SLC22A23: variants seen among roughly 807,000 people sequenced by gnomAD.
SLC22A23 encodes the protein solute carrier family 22 member 23.
A neutral mutation model predicts 61.0 loss-of-function variants in SLC22A23; 26 were observed. That is an observed-to-expected ratio of 0.43 (90% CI 0.31 to 0.59). The LOEUF is 0.59. Ranked by LOEUF, SLC22A23 falls within the 20% of genes least tolerant of loss-of-function variation. SLC22A23 has a pLI of 0.11. For missense variants in SLC22A23, 796 were observed against 934.7 expected (o/e 0.85, Z 1.94); for synonymous variants, 430 against 413.9 (o/e 1.04, Z -0.47).
chr6:3,291,091 T>A (rs962322108), intron 5 of SLC22A23: 3 of 152,154 alleles, frequency 2.0e-5, no homozygotes, highest in African/African-American at 7.2e-5. Flanking sequence ...CCAATGTCAC[T>A]CTTTTAGTTT....
At chr6:3,363,877 A>G (rs1765637438) in intron 3 of SLC22A23, among the ~76,000 whole-genome samples, 1 of 152,228 alleles carries the variant, frequency 6.6e-6, no homozygotes, top group Non-Finnish European at 1.5e-5. Context: ...AGGAGACAGG[A>G]CATGGGGCAG....
chr6:3,354,623 C>T (rs76931947), intron 3 of SLC22A23, among the ~76,000 whole-genome samples: 1 of 152,162 alleles, frequency 6.6e-6, no homozygotes, highest in Non-Finnish European at 1.5e-5. Context: ...AATGGATGAA[C>T]TGAAACACAG....
At chr6:3,277,326 G>A (rs1759001619) in intron 9 of SLC22A23, among the ~76,000 whole-genome samples, 1 of 151,820 alleles carries the variant, frequency 6.6e-6, no homozygotes, top group Non-Finnish European at 1.5e-5. Flanking sequence ...ACCAAGCTCT[G>A]CAAACACTGC....
Position 3,308,536 on chromosome 6 carries a change from G to C in SLC22A23, c.1083-10318C>G, listed in dbSNP as rs896948895. Among the ~76,000 whole-genome samples the C allele has an allele frequency of 6.6e-6, 1 of 152,202 alleles. No homozygotes were observed. The highest frequency in any genetic ancestry group is 2.4e-5 in the African/African-American group (1 of 41,448). The stretch of plus-strand genomic sequence containing the variant: ...TCTTCTCCTGAGGTCTTGAATAAAA[G>C]CACATTAATTCCTACTTGTGAGGGG... On this transcript the variant is annotated intron_variant, in intron 4 of 9. Coordinates refer to ENST00000406686, the MANE Select transcript of SLC22A23 (RefSeq NM_015482.2). The surrounding 1 kb of genome is among the most constrained non-coding windows in gnomAD (Gnocchi z 5.1).
At chr6:3,357,775 G>A (rs1369156856) in intron 3 of SLC22A23, among the ~76,000 whole-genome samples, 3 of 152,150 alleles carry the variant, frequency 2.0e-5, no homozygotes, top group Non-Finnish European at 2.9e-5. Flanking sequence ...GGGAGATGCC[G>A]AGATGAAGCC....
chr6:3,443,275 G>A (rs532813500), intron 1 of SLC22A23, among the ~76,000 whole-genome samples: 1 of 152,264 alleles, frequency 6.6e-6, no homozygotes, highest in South Asian at 2.1e-4. Flanking sequence ...GGGGACCTGC[G>A]AATTATGTAG....
chr6:3,348,527 T>C (rs143138815), intron 3 of SLC22A23, among the ~76,000 whole-genome samples: 12 of 152,312 alleles, frequency 7.9e-5, no homozygotes, highest in African/African-American at 2.6e-4. Context: ...GAGTGCACAC[T>C]ATAGAATCCG....
intron 5 of SLC22A23, among the ~76,000 whole-genome samples, chr6:3,295,565 C>T (rs1761013963): frequency 6.6e-6 from 1 of 152,184 alleles, no homozygotes; most frequent in South Asian, 2.1e-4. Flanking sequence ...GGAGCCCAGC[C>T]AGCCGGCCAG....
intron 3 of SLC22A23, among the ~76,000 whole-genome samples, chr6:3,339,548 A>C (rs1652496002): frequency 6.6e-6 from 1 of 152,200 alleles, no homozygotes; most frequent in Admixed American, 6.5e-5. Flanking sequence ...ATGAGACAGG[A>C]GGTCGGCACA....
intron 3 of SLC22A23, among the ~76,000 whole-genome samples, chr6:3,332,593 T>C (rs1763640089): frequency 6.6e-6 from 1 of 152,220 alleles, no homozygotes; most frequent in Non-Finnish European, 1.5e-5. Context: ...TTTCCCTCTC[T>C]TCTCTGTAAT....
At chr6:3,290,058 T>C in intron 5 of SLC22A23, 192 bp from the exon 6 acceptor site, 1 of 613,398 alleles carries the variant, frequency 1.6e-6, no homozygotes, top group Non-Finnish European at 2.9e-6. Flanking sequence ...AGACCCCAGC[T>C]TTGCAGTTCA....
In SLC22A23 at chr6:3,370,964, A is replaced by T. The variant is rs192277760; in HGVS notation, c.913+39224T>A. On this transcript the variant is annotated intron_variant, in intron 3 of 9. Coordinates refer to ENST00000406686, the MANE Select transcript of SLC22A23 (RefSeq NM_015482.2). ...ATCTCCAAGAGATACCACAACACGA[A>T]AATGAACTTACTTGAAAAAGAGTCT... Among the ~76,000 whole-genome samples, 623 of 152,304 alleles carry T rather than the reference A, an allele frequency of 4.1e-3. 3 individuals are homozygous for T. The highest frequency in any genetic ancestry group is 6.2e-3 in the Non-Finnish European group (419 of 68,026).
intron 1 of SLC22A23, among the ~76,000 whole-genome samples, chr6:3,439,058 CG>C (rs1337012045): frequency 2.7e-5 from 4 of 147,752 alleles, no homozygotes; most frequent in Non-Finnish European, 5.9e-5. Context: ...TCAAACTTGC[CG>C]TATTTGGGGC....
intron 4 of SLC22A23, chr6:3,313,101 A>G (rs1762454471): frequency 6.6e-6 from 1 of 152,140 alleles, no homozygotes; most frequent in Non-Finnish European, 1.5e-5. Flanking sequence ...CCTTGCAGGC[A>G]TTTGTGTTGA....
intron 6 of SLC22A23, among the ~76,000 whole-genome samples, chr6:3,287,465 G>A (rs536702324): frequency 6.7e-6 from 1 of 149,984 alleles, no homozygotes; most frequent in Non-Finnish European, 1.5e-5. Context: ...AACAGCCACT[G>A]CACACCCACT....
rs937159615 is a variant in SLC22A23 at position 3,372,836 on chromosome 6, G to A, written c.913+37352C>T. Reference sequence around the variant, plus strand: ...CTCTTTCTCTTCATTATATTTCATCGCCAAACATTTATGAAATACTTAAAA... The same window carrying A: ...CTCTTTCTCTTCATTATATTTCATCACCAAACATTTATGAAATACTTAAAA... On this transcript the variant is annotated intron_variant, in intron 3 of 9. Transcript: ENST00000406686. This position sits in a 1 kb window ranked among gnomAD's most constrained non-coding sequence, Gnocchi z 4.7. Among the ~76,000 whole-genome samples, 10 of 152,058 alleles carry A rather than the reference G, an allele frequency of 6.6e-5. No homozygotes were observed. Among genetic ancestry groups the A allele is most frequent in the East Asian group, 1.9e-4 (1 of 5,194 alleles).
chr6:3,347,277 C>A (rs938527249), intron 3 of SLC22A23, among the ~76,000 whole-genome samples: 1 of 152,062 alleles, frequency 6.6e-6, no homozygotes, highest in Non-Finnish European at 1.5e-5. Flanking sequence ...ATCTGTCCCC[C>A]CAACTGGACC....
chr6:3,370,125 T>C (rs553443794), intron 3 of SLC22A23, among the ~76,000 whole-genome samples: 1 of 152,330 alleles, frequency 6.6e-6, no homozygotes, highest in African/African-American at 2.4e-5. Context: ...CATTAAAAAA[T>C]TCCTGGTTGG....
chr6:3,303,557 T>C (rs755407190), intron 4 of SLC22A23, among the ~76,000 whole-genome samples: 3 of 152,210 alleles, frequency 2.0e-5, no homozygotes, highest in Non-Finnish European at 4.4e-5. Flanking sequence ...GCATCATGGA[T>C]GGAACTGAAA....
Sources: gnomAD v4.1 joint callset for allele counts (sites outside exome capture counted in the v4.1 genomes callset) on GRCh38, gnomAD v4.1.1 for gene constraint, Gnocchi (gnomAD v3.1) non-coding constraint, MANE v1.5 for transcripts, NCBI Gene and HGNC (gene_info 2026-07-23, HGNC 2026-07-21) for gene names.